The following GALNT11 variants were observed in gnomAD, a reference collection of about 807,000 sequenced individuals.
The protein encoded by GALNT11 is UDP-GalNAc:polypeptide N-acetylgalactosaminyltransferase 11.
GALNT11 carries 47 observed loss-of-function variants against 72.7 expected under a neutral mutation model. The ratio of observed to expected loss-of-function variants is 0.65; its 90% CI spans 0.51 to 0.82. The LOEUF is 0.82. Ranked by LOEUF, GALNT11 falls within the 40% of genes least tolerant of loss-of-function variation. The pLI, the probability that GALNT11 is intolerant of heterozygous loss-of-function variation, is 0.00. For missense variants in GALNT11, 677 were observed against 778.4 expected (o/e 0.87, Z 1.55); for synonymous variants, 270 against 286.6 (o/e 0.94, Z 0.58).
intron 2 of GALNT11, among the ~76,000 whole-genome samples, chr7:152,095,475 GAAAT>G (rs1350213075): frequency 6.6e-6 from 1 of 152,056 alleles, no homozygotes; most frequent in African/African-American, 2.4e-5. Flanking sequence ...TAGTTTCAAA[GAAAT>G]AAAATCAGTT....
intron 3 of GALNT11, 90 bp from the exon 4 acceptor site, chr7:152,103,022 A>G: frequency 8.1e-7 from 1 of 1,229,342 alleles, no homozygotes; most frequent in East Asian, 2.4e-5. Flanking sequence ...AAGAGGGTGA[A>G]CAAGGGGACA....
At chr7:152,101,405 A>G (rs2086874182) in intron 3 of GALNT11, among the ~76,000 whole-genome samples, 1 of 152,116 alleles carries the variant, frequency 6.6e-6, no homozygotes, top group Non-Finnish European at 1.5e-5. Context: ...AAACAGATGT[A>G]GTAGTTCCTC....
intron 11 of GALNT11, among the ~76,000 whole-genome samples, chr7:152,121,265 C>A (rs1028465165): frequency 2.0e-5 from 3 of 152,198 alleles, no homozygotes; most frequent in Non-Finnish European, 2.9e-5. Context: ...GCCTGTAATC[C>A]CAGCACTGAG....
At chr7:152,083,486 T>C (rs183237883) in intron 1 of GALNT11, among the ~76,000 whole-genome samples, 14 of 152,302 alleles carry the variant, frequency 9.2e-5, no homozygotes, top group African/African-American at 3.4e-4. Context: ...AGCAAACATA[T>C]TAGATTTCTA....
intron 1 of GALNT11, chr7:152,079,140 A>G (rs2085166616): frequency 6.6e-6 from 1 of 152,212 alleles, no homozygotes; most frequent in Admixed American, 6.5e-5. Flanking sequence ...ATGTGCCCAT[A>G]GTCATTTTAT....
chr7:152,047,999 A>G (rs1481644437), intron 1 of GALNT11, among the ~76,000 whole-genome samples: 1 of 151,862 alleles, frequency 6.6e-6, no homozygotes, highest in Non-Finnish European at 1.5e-5. Context: ...ATTACCACTG[A>G]GTTTTGTACC....
intron 8 of GALNT11, among the ~76,000 whole-genome samples, chr7:152,113,806 G>A (rs1010637802): frequency 4.4e-5 from 6 of 135,902 alleles, no homozygotes; most frequent in Admixed American, 7.9e-5. Flanking sequence ...GTGTGATCAC[G>A]GCTCACTGCA....
At chr7:152,027,038 A>G (rs1003775075) in intron 1 of GALNT11, among the ~76,000 whole-genome samples, 4 of 152,194 alleles carry the variant, frequency 2.6e-5, no homozygotes, top group African/African-American at 4.8e-5. Flanking sequence ...TCACGAGGTC[A>G]GGAGATCAAG....
rs79222901 is a variant in GALNT11, at chr7:152,067,703, A to T, written c.-38-26487A>T. 5.5e-3 allele frequency among the ~76,000 whole-genome samples: 830 copies of T among 152,138 alleles called. 8 individuals carry two copies. Among genetic ancestry groups the T allele is most frequent in the African/African-American group, 0.019 (797 of 41,488 alleles). ...TTCTAAGGACTTCTGGTCCTTTTTT[A>T]TTGGAGAATGATATTAAAAACCAAG... is the stretch of plus-strand genomic sequence containing the variant. On this transcript the variant is annotated intron_variant, in intron 1 of 11. Transcript: ENST00000430044.
At chr7:152,047,707 T>C (rs1343609989) in intron 1 of GALNT11, among the ~76,000 whole-genome samples, 1 of 151,776 alleles carries the variant, frequency 6.6e-6, no homozygotes, top group African/African-American at 2.4e-5. Context: ...TGTGTGTGTG[T>C]GTGCGCACAC....
chr7:152,090,819 C>T (rs2085975358), intron 1 of GALNT11, among the ~76,000 whole-genome samples: 1 of 152,144 alleles, frequency 6.6e-6, no homozygotes, highest in South Asian at 2.1e-4. Flanking sequence ...TATTTTCTTT[C>T]CTCAGCACTT....
intron 1 of GALNT11, among the ~76,000 whole-genome samples, chr7:152,093,758 A>G (rs117956759): frequency 0.037 from 5,660 of 152,244 alleles, 150 homozygotes; most frequent in South Asian, 0.068. Context: ...TATTTTTAAT[A>G]ATAGATTTTT....
At chr7:152,069,884 A>G (rs1160126241) in intron 1 of GALNT11, among the ~76,000 whole-genome samples, 1 of 152,176 alleles carries the variant, frequency 6.6e-6, no homozygotes, top group African/African-American at 2.4e-5. Context: ...TGATTGGTGT[A>G]TTTAGACAAT....
chr7:152,054,749 G>T (rs1186988055), intron 1 of GALNT11, among the ~76,000 whole-genome samples: 1 of 151,814 alleles, frequency 6.6e-6, no homozygotes, highest in Middle Eastern at 3.2e-3. Flanking sequence ...GAACTCCTGG[G>T]CTCAAGCGAT....
intron 1 of GALNT11, among the ~76,000 whole-genome samples, chr7:152,037,276 A>G (rs770019195): frequency 1.9e-4 from 29 of 152,324 alleles, no homozygotes; most frequent in Non-Finnish European, 4.0e-4. Flanking sequence ...ATTCTTCTGC[A>G]TATGTATATC....
intron 1 of GALNT11, among the ~76,000 whole-genome samples, chr7:152,058,735 T>A (rs1418611182): frequency 6.6e-6 from 1 of 152,230 alleles, no homozygotes; most frequent in East Asian, 1.9e-4. Context: ...TTACCCACAG[T>A]AGAACTTCTT....
intron 1 of GALNT11, among the ~76,000 whole-genome samples, chr7:152,042,770 G>A (rs1352207973): frequency 1.3e-5 from 2 of 152,144 alleles, no homozygotes; most frequent in East Asian, 3.9e-4. Flanking sequence ...TAAATTTATA[G>A]GTACAGAAGT....
intron 9 of GALNT11, 189 bp downstream of exon 9, chr7:152,117,564 C>T (rs1305663559): frequency 3.5e-6 from 2 of 563,392 alleles, no homozygotes; most frequent in Non-Finnish European, 6.0e-6. Context: ...AGTGTAGATC[C>T]TTGCCTTGCC....
chr7:152,037,333 G>A (rs545541110), intron 1 of GALNT11, among the ~76,000 whole-genome samples: 26 of 152,298 alleles, frequency 1.7e-4, no homozygotes, highest in African/African-American at 6.0e-4. Flanking sequence ...TTTTCCCAAT[G>A]TATGTTCTTG....
Sources: gnomAD v4.1 joint callset for allele counts (sites outside exome capture counted in the v4.1 genomes callset) on GRCh38, gnomAD v4.1.1 for gene constraint, MANE v1.5 for transcripts, NCBI Gene and HGNC (gene_info 2026-07-23, HGNC 2026-07-21) for gene names.